GNAO1: variants seen among roughly 807,000 people sequenced by gnomAD.
GNAO1 encodes guanine nucleotide-binding protein G(o) subunit alpha.
For synonymous variants in GNAO1, 164 were observed against 180.7 expected (o/e 0.91, Z 0.74); for missense variants, 166 against 478.7 (o/e 0.35, Z 6.10).
At chr16:56,221,778 A>G (rs116760732) in intron 2 of GNAO1, among the ~76,000 whole-genome samples, 1,719 of 152,030 alleles carry the variant, frequency 0.011, 38 homozygotes, top group African/African-American at 0.036. Flanking sequence ...GGATAAAAGC[A>G]TGGGTATGAT....
At chr16:56,231,403 A>G (rs1443077653) in intron 2 of GNAO1, among the ~76,000 whole-genome samples, 1 of 152,180 alleles carries the variant, frequency 6.6e-6, no homozygotes, top group African/African-American at 2.4e-5. Flanking sequence ...GCTCTGCTTA[A>G]TTCTTCATTT....
rs553054783 is a variant in GNAO1 at position 56,268,537 on chromosome 16, C to T, written c.162-7394C>T. 5.9e-5 allele frequency among the ~76,000 whole-genome samples: 9 copies of T among 152,290 alleles called. No individual in the cohort carries two copies. In the East Asian group the frequency reaches 1.2e-3, roughly 20 times the overall value. On this transcript the variant is annotated intron_variant, in intron 2 of 8. Coordinates refer to ENST00000262493, the MANE Select transcript of GNAO1 (RefSeq NM_020988.3). Reference sequence around the variant, plus strand: ...AAAATGGTCCCTAGTAGGTTAAACACGAAGTGTCTGTCTCCCATTGGAAAT... The same window carrying T: ...AAAATGGTCCCTAGTAGGTTAAACATGAAGTGTCTGTCTCCCATTGGAAAT...
At chr16:56,206,324 TAAAA>T (rs562270212) in intron 2 of GNAO1, among the ~76,000 whole-genome samples, 1 of 113,240 alleles carries the variant, frequency 8.8e-6, no homozygotes, top group African/African-American at 3.3e-5. Context: ...CATCTCAATT[TAAAA>T]AAAAAAAAAA....
chr16:56,264,679 C>T (rs1488397806), intron 2 of GNAO1, among the ~76,000 whole-genome samples: 3 of 151,152 alleles, frequency 2.0e-5, no homozygotes, highest in African/African-American at 7.3e-5. Context: ...TTAGAATACC[C>T]TTTTATTCTA....
intron 2 of GNAO1, among the ~76,000 whole-genome samples, chr16:56,244,380 A>C (rs1241308423): frequency 2.6e-5 from 4 of 150,998 alleles, no homozygotes; most frequent in African/African-American, 7.3e-5. Context: ...AAAAAAAAAA[A>C]CCTAACATTA....
At chr16:56,350,964 C>G (rs1167268056) in intron 6 of GNAO1, among the ~76,000 whole-genome samples, 4 of 151,760 alleles carry the variant, frequency 2.6e-5, no homozygotes. Context: ...CATGCACACA[C>G]AGGTGCACAC....
intron 2 of GNAO1, among the ~76,000 whole-genome samples, chr16:56,256,925 G>A (rs538319494): frequency 6.6e-6 from 1 of 152,256 alleles, no homozygotes; most frequent in African/African-American, 2.4e-5. Context: ...AGTGGCCCAA[G>A]ATGAGTTGCA....
At chr16:56,303,977 C>A (rs1235600356) in intron 3 of GNAO1, among the ~76,000 whole-genome samples, 1 of 152,152 alleles carries the variant, frequency 6.6e-6, no homozygotes, top group Non-Finnish European at 1.5e-5. Context: ...GCTTTCTAAC[C>A]CCCTACTTCA....
intron 3 of GNAO1, among the ~76,000 whole-genome samples, chr16:56,292,933 C>A (rs2037246405): frequency 6.6e-6 from 1 of 152,194 alleles, no homozygotes; most frequent in Non-Finnish European, 1.5e-5. Flanking sequence ...AACGTTAGTT[C>A]CTTGCTCCCA....
chr16:56,218,723 G>A (rs565782011), intron 2 of GNAO1, among the ~76,000 whole-genome samples: 1 of 152,128 alleles, frequency 6.6e-6, no homozygotes, highest in Non-Finnish European at 1.5e-5. Context: ...AAGATTTTGT[G>A]TGTGATCTCT....
chr16:56,343,665 C>CCAAGG (rs1374359359), intron 6 of GNAO1: 1 of 946,684 alleles, frequency 1.1e-6, no homozygotes, highest in Non-Finnish European at 1.6e-6. Flanking sequence ...TCTGAGAGGC[C>CCAAGG]CAAGGCCGGA....
intron 2 of GNAO1, among the ~76,000 whole-genome samples, chr16:56,271,296 A>G (rs2037015377): frequency 6.6e-6 from 1 of 152,196 alleles, no homozygotes; most frequent in South Asian, 2.1e-4. Context: ...GAGATAATTT[A>G]TCTCCTAGAA....
At chr16:56,231,422 C>G (rs1346716595) in intron 2 of GNAO1, among the ~76,000 whole-genome samples, 1 of 152,210 alleles carries the variant, frequency 6.6e-6, no homozygotes, top group Non-Finnish European at 1.5e-5. Flanking sequence ...TTATTACCAC[C>G]TTTCCTGTAT....
intron 2 of GNAO1, among the ~76,000 whole-genome samples, chr16:56,204,236 A>G (rs1269853992): frequency 6.6e-6 from 1 of 152,216 alleles, no homozygotes; most frequent in African/African-American, 2.4e-5. Flanking sequence ...CAGAGAGGAT[A>G]TGGCAGGTGA....
At chr16:56,201,314 T>C (rs540214793) in intron 2 of GNAO1, among the ~76,000 whole-genome samples, 1 of 152,314 alleles carries the variant, frequency 6.6e-6, no homozygotes, top group South Asian at 2.1e-4. Context: ...GGGACTGGCA[T>C]GTGTAAAGGC....
chr16:56,344,083 G>T, intron 6 of GNAO1: 1 of 1,472,534 alleles, frequency 6.8e-7, no homozygotes, highest in South Asian at 1.4e-5. Context: ...ACCAAGGGAG[G>T]GAGGAGGGAG....
intron 2 of GNAO1, among the ~76,000 whole-genome samples, chr16:56,209,541 C>G (rs1279275148): frequency 6.6e-6 from 1 of 152,112 alleles, no homozygotes; most frequent in Non-Finnish European, 1.5e-5. Context: ...AGTATTTATT[C>G]GAATCCACTA....
At chr16:56,337,826 C>G (rs2037757916) in intron 6 of GNAO1, among the ~76,000 whole-genome samples, 1 of 152,164 alleles carries the variant, frequency 6.6e-6, no homozygotes, top group African/African-American at 2.4e-5. Context: ...AGGCACCGAG[C>G]ATGGCCCACA....
intron 2 of GNAO1, among the ~76,000 whole-genome samples, chr16:56,222,462 C>T (rs1472249482): frequency 1.3e-5 from 2 of 152,202 alleles, no homozygotes; most frequent in Non-Finnish European, 2.9e-5. Flanking sequence ...CCCTCTACAA[C>T]CAACATGATG....
Sources: allele counts gnomAD v4.1 joint callset (sites outside exome capture counted in the v4.1 genomes callset), GRCh38; gene constraint gnomAD v4.1.1; transcripts MANE v1.5; gene names NCBI Gene and HGNC (gene_info 2026-07-23, HGNC 2026-07-21).